The following SHISA2 variants were observed in gnomAD, a reference collection of about 807,000 sequenced individuals.
SHISA2 encodes protein shisa-2 homolog.
A neutral mutation model predicts 23.8 loss-of-function variants in SHISA2; 16 were observed. That is an observed-to-expected ratio of 0.67 (90% CI 0.46 to 1.02). The LOEUF is 1.02. SHISA2 is among the 50% of genes least tolerant of loss of function. SHISA2 has a pLI of 0.00. For synonymous variants in SHISA2, 201 were observed against 178.6 expected (o/e 1.13, Z -1.00); for missense variants, 459 against 420.1 (o/e 1.09, Z -0.81).
In SHISA2 at chr13:26,050,757, G is replaced by A; in HGVS notation, c.219C>T (p.Arg73=). The change falls in exon 1 of 2, where the codon CGC becomes CGT. Residue 73 remains arginine (R), a synonymous_variant. Transcript: ENST00000319420. ...GCGCCTCGGCGCTGGAGCAGCAGTA[G>A]CGCAACGCGCAGCTGCCGCAGCAGA... is the stretch of plus-strand genomic sequence containing the variant. ...ATICCGSCAL[R]YCCSSAEARL... is the part of the protein sequence containing the mutation. 6.6e-7 allele frequency: 1 copy of A among 1,513,784 alleles called. No individual in the cohort carries two copies. Among genetic ancestry groups the A allele is most frequent in the South Asian group, 1.2e-5 (1 of 81,720 alleles). The allele number at this position is 1,513,784 out of a possible 1,614,324, so 93.8% of individuals were successfully genotyped here.
intron 1 of SHISA2, 102 bp from the exon 2 acceptor site, chr13:26,047,168 C>T (rs545465765): frequency 2.4e-6 from 3 of 1,245,818 alleles, no homozygotes; most frequent in South Asian, 1.6e-5. Flanking sequence ...CACTGATACC[C>T]ACAGCTGAAG....
Position 26,046,428 on chromosome 13 carries a change from C to T in SHISA2, c.*85G>A, listed in dbSNP as rs936000568. On this transcript the variant is annotated 3_prime_UTR_variant, in exon 2 of 2. Transcript: ENST00000319420. Reference sequence around the variant, plus strand: ...ATCCAAAGGAATCGTGCCATAAATACCACCGACATGTGCGGACTTCCACCT... The same window carrying T: ...ATCCAAAGGAATCGTGCCATAAATATCACCGACATGTGCGGACTTCCACCT... 7.2e-7 allele frequency: 1 copy of T among 1,394,222 alleles called. No individual in the cohort carries two copies. The highest frequency in any genetic ancestry group is 1.4e-5 in the African/African-American group (1 of 69,726). The allele number at this position is 1,394,222 out of a possible 1,614,324, so 86.4% of individuals were successfully genotyped here.
rs1338875343 is a variant in SHISA2, at chr13:26,051,299, C to G, written c.-324G>C. On this transcript the variant is annotated 5_prime_UTR_variant, in exon 1 of 2. Transcript: ENST00000319420. ...AAGCCTCTGGAGGTTTCACTGGCAA[C>G]CGGACCCTCCCTGAGCATCCCCGAA... Among the ~76,000 whole-genome samples, 1 of 152,180 alleles carries G rather than the reference C, an allele frequency of 6.6e-6. No homozygotes were observed. Among genetic ancestry groups the G allele is most frequent in the African/African-American group, 2.4e-5 (1 of 41,466 alleles).
Position 26,046,870 on chromosome 13 carries a change from G to A in SHISA2, c.531C>T (p.Ser177=). The change falls in exon 2 of 2, where the codon TCC becomes TCT. Residue 177 remains serine (S), a synonymous_variant. Coordinates refer to ENST00000319420, the MANE Select transcript of SHISA2 (RefSeq NM_001007538.2). ...IPSASTSRGS[S]SRQSSTAASS... is the part of the protein sequence containing the mutation. ...TGGCAGCTGTGCTGGACTGGCGTGAGGACGACCCCCGGGAGGTGCTGGCAC... is the reference window on the plus strand; with the variant it reads ...TGGCAGCTGTGCTGGACTGGCGTGAAGACGACCCCCGGGAGGTGCTGGCAC... 6.2e-7 allele frequency: 1 copy of A among 1,613,764 alleles called. No individual in the cohort carries two copies. The highest frequency in any genetic ancestry group is 1.1e-5 in the South Asian group (1 of 90,996).
In SHISA2 at chr13:26,045,397, C is replaced by G. The variant is rs1957259500; in HGVS notation, c.*1116G>C. On this transcript the variant is annotated 3_prime_UTR_variant, in exon 2 of 2. Coordinates refer to ENST00000319420, the MANE Select transcript of SHISA2 (RefSeq NM_001007538.2). Reference sequence around the variant, plus strand: ...TTCAATATAAAAAAGAATGCATTACCTCTCAGATGTCACCTTAAAGCCAGA... The same window carrying G: ...TTCAATATAAAAAAGAATGCATTACGTCTCAGATGTCACCTTAAAGCCAGA... The G allele has an allele frequency of 6.6e-6, 1 of 152,106 alleles. No homozygotes were observed. Among genetic ancestry groups the G allele is most frequent in the Non-Finnish European group, 1.5e-5 (1 of 68,018 alleles). The allele number at this position is 152,106 out of a possible 1,614,324, so 9.4% of individuals were successfully genotyped here.
rs1957255955 is a variant in SHISA2 at position 26,044,811 on chromosome 13, G to A, written c.*1702C>T. 6.6e-6 allele frequency: 1 copy of A among 152,200 alleles called. No homozygotes were observed. Among genetic ancestry groups the A allele is most frequent in the Non-Finnish European group, 1.5e-5 (1 of 68,034 alleles). 9.4% of individuals were successfully genotyped at this position (152,200 alleles called of 1,614,324 possible). On this transcript the variant is annotated 3_prime_UTR_variant, in exon 2 of 2. Transcript: ENST00000319420. ...TTTGTTTAATTACAAAATACTGGTT[G>A]TGCTAGCAGTTGGAAATGTACTTGC...
chr13:26,047,498 C>CT (rs906017305), intron 1 of SHISA2, among the ~76,000 whole-genome samples: 3 of 152,148 alleles, frequency 2.0e-5, no homozygotes, highest in Non-Finnish European at 1.5e-5. Flanking sequence ...ATTTAAAAGT[C>CT]TTTTTTCCCC....
Position 26,046,363 on chromosome 13 carries a change from T to C in SHISA2, c.*150A>G. The C allele has an allele frequency of 1.3e-6, 1 of 767,602 alleles. No homozygotes were observed. Among genetic ancestry groups the C allele is most frequent in the Non-Finnish European group, 2.0e-6 (1 of 496,432 alleles). The allele number at this position is 767,602 out of a possible 1,614,324, so 47.5% of individuals were successfully genotyped here. On this transcript the variant is annotated 3_prime_UTR_variant, in exon 2 of 2. Coordinates refer to ENST00000319420, the MANE Select transcript of SHISA2 (RefSeq NM_001007538.2). ...GATGAAACATATCCAGAAATGCTAA[T>C]TCGGAGATGTTTTCATACAGTCTGG...
chr13:26,051,980 G>C lies in SHISA2; in HGVS notation c.-1005C>G, dbSNP rs565125674. ...GAGCGCAGCAGCCGCCCACAGCCTC[G>C]CCTCGCCCCGCCCGGCGCCAGACCA... On this transcript the variant is annotated 5_prime_UTR_variant, in exon 1 of 2. Transcript: ENST00000319420. 0.39 allele frequency among the ~76,000 whole-genome samples: 25,317 copies of C among 65,100 alleles called. 2,200 individuals are homozygous for C. Among genetic ancestry groups the C allele is most frequent in the South Asian group, 0.5 (1,341 of 2,704 alleles). The allele number at this position is 65,100 out of a possible 152,430, so 42.7% of individuals were successfully genotyped here.
chr13:26,047,140 C>CAATG, intron 1 of SHISA2, 74 bp from the exon 2 acceptor site: 1 of 1,421,100 alleles, frequency 7.0e-7, no homozygotes, highest in Non-Finnish European at 9.3e-7. Context: ...CTGGCAATGG[C>CAATG]AATGAATGAA....
At position 26,046,672 on chromosome 13, in the gene SHISA2, C is replaced by T. The variant is rs781508738; in HGVS notation, c.729G>A (p.Leu243=). The T allele has an allele frequency of 2.5e-6, 4 of 1,614,222 alleles. No individual in the cohort carries two copies. The highest frequency in any genetic ancestry group is 2.2e-5 in the South Asian group (2 of 91,084). The change falls in exon 2 of 2, where the codon CTG becomes CTA. Residue 243 remains leucine (L), a synonymous_variant. Coordinates refer to ENST00000319420, the MANE Select transcript of SHISA2 (RefSeq NM_001007538.2). ...TQIVPHQGQY[L]HPPYVGYTVQ... Reference sequence around the variant, plus strand: ...CCGTGTACCCCACGTATGGGGGATGCAGATACTGCCCTTGATGTGGCACAA... The same window carrying T: ...CCGTGTACCCCACGTATGGGGGATGTAGATACTGCCCTTGATGTGGCACAA...
rs1425444747 is a variant in SHISA2 at position 26,045,170 on chromosome 13, G to A, written c.*1343C>T. On this transcript the variant is annotated 3_prime_UTR_variant, in exon 2 of 2. Transcript: ENST00000319420. ...AAGTATCTTTGTAACACATTTCTTT[G>A]AATTTTTATAACTAAGACAAGAAAA... The A allele has an allele frequency of 6.6e-6, 1 of 151,896 alleles. No homozygotes were observed. Among genetic ancestry groups the A allele is most frequent in the African/African-American group, 2.4e-5 (1 of 41,374 alleles). The allele number at this position is 151,896 out of a possible 1,614,324, so 9.4% of individuals were successfully genotyped here. A position where few individuals can be genotyped will look rare whatever the true frequency, so the allele number is the denominator to read the frequency against.
In SHISA2 at chr13:26,051,824, G is replaced by A. The variant is rs1324158393; in HGVS notation, c.-849C>T. ...CCTTCTCCGCCTCCCCGGCTGCAGC[G>A]CGGTCCCACAGGAGCCCGGCAGCCT... On this transcript the variant is annotated 5_prime_UTR_variant, in exon 1 of 2. Transcript: ENST00000319420. 1.3e-5 allele frequency among the ~76,000 whole-genome samples: 2 copies of A among 152,034 alleles called. No homozygotes were observed. Among genetic ancestry groups the A allele is most frequent in the African/African-American group, 4.8e-5 (2 of 41,404 alleles).
At position 26,046,786 on chromosome 13, in the gene SHISA2, G is replaced by A. The variant is rs77010561; in HGVS notation, c.615C>T (p.Asn205=). The A allele has an allele frequency of 0.021, 33,647 of 1,614,198 alleles. 2,464 individuals are homozygous for A. In the East Asian group the frequency reaches 0.23, roughly 11 times the overall value. Residue 205 remains asparagine (N), a synonymous_variant, in exon 2 of 2, where the codon AAC becomes AAT. Coordinates refer to ENST00000319420, the MANE Select transcript of SHISA2 (RefSeq NM_001007538.2). ...ARAPPTRSQT[N]CCLPEGTMNN... is the part of the protein sequence containing the mutation. ...TCATGGTCCCTTCCGGCAAGCAACA[G>A]TTGGTCTGTGACCTTGTTGGGGGCG...
rs777862546 is a variant in SHISA2, at chr13:26,046,944, G to A, written c.457C>T (p.Arg153Ter). 8.7e-6 allele frequency: 14 copies of A among 1,613,096 alleles called. No homozygotes were observed. The highest frequency in any genetic ancestry group is 1.3e-5 in the African/African-American group (1 of 74,840). Residue 153 changes from arginine to a stop codon, truncating the protein, a stop_gained, in exon 2 of 2, where the codon CGA becomes TGA. Transcript: ENST00000319420. LOFTEE classifies it high-confidence loss of function. ...ATCAAGCGGTTACCCCCTGGGGCTC[G>A]GCTCTGCTGGGGATCCTGCTTAGGC... ...LRPKQDPQQSRAPGGNRLMET... is the reference protein window; with the variant it reads ...LRPKQDPQQS
Position 26,046,840 on chromosome 13 carries a change from G to T in SHISA2, c.561C>A (p.Ser187=), listed in dbSNP as rs74965018. The part of the protein sequence containing the change: ...SSRQSSTAAS[S]SSSANSGARA... The stretch of plus-strand genomic sequence containing the variant: ...GGGCCCCTGAGTTGGCGCTGGAGCT[G>T]GAACTGGCAGCTGTGCTGGACTGGC... The change falls in exon 2 of 2, where the codon TCC becomes TCA. Residue 187 remains serine, a synonymous_variant. Coordinates refer to ENST00000319420, the MANE Select transcript of SHISA2 (RefSeq NM_001007538.2). The T allele has an allele frequency of 0.024, 39,007 of 1,614,076 alleles. 2,912 individuals are homozygous for T. Among genetic ancestry groups the T allele is most frequent in the East Asian group, 0.23 (10,438 of 44,864 alleles).
intron 1 of SHISA2, among the ~76,000 whole-genome samples, chr13:26,047,561 T>C (rs1344428626): frequency 6.6e-6 from 1 of 152,240 alleles, no homozygotes; most frequent in African/African-American, 2.4e-5. Context: ...TTTTAGCAAG[T>C]TCTTTTTTCA....
In SHISA2 at chr13:26,046,589, G is replaced by A; in HGVS notation, c.812C>T (p.Pro271Leu). Residue 271 changes from proline (P) to leucine (L), a missense_variant, in exon 2 of 2, where the codon CCT (proline) becomes CTT (leucine). Pro to Leu is a moderately conservative substitution (Grantham distance 98). Transcript: ENST00000319420. The stretch of plus-strand genomic sequence containing the variant: ...GGGGGACTGAATCTGCCTGTAGCCA[G>A]GCTGCAGGCCGTCCATGAAAGGTGG... ...AVPPFMDGLQ[P>L]GYRQIQSPFP... The A allele has an allele frequency of 1.2e-6, 2 of 1,614,190 alleles. No homozygotes were observed. Among genetic ancestry groups the A allele is most frequent in the Non-Finnish European group, 1.7e-6 (2 of 1,180,032 alleles).
intron 1 of SHISA2, among the ~76,000 whole-genome samples, chr13:26,048,171 C>G (rs538381503): frequency 6.6e-6 from 1 of 152,030 alleles, no homozygotes; most frequent in African/African-American, 2.4e-5. Flanking sequence ...AGTGTGGTGA[C>G]GCGCACCTAT....
Sources: allele counts gnomAD v4.1 joint callset (sites outside exome capture counted in the v4.1 genomes callset), GRCh38; gene constraint gnomAD v4.1.1; transcripts MANE v1.5; gene names NCBI Gene and HGNC (gene_info 2026-07-23, HGNC 2026-07-21).